BMP8B: variants seen among roughly 807,000 people sequenced by gnomAD.
BMP8B encodes bone morphogenetic protein 8 (osteogenic protein 2).
Under a neutral mutation model 30.3 loss-of-function variants are expected in BMP8B, and 17 were observed. The ratio of observed to expected loss-of-function variants is 0.56; its 90% CI spans 0.38 to 0.84. The LOEUF is 0.84. Among genes scored for constraint, BMP8B ranks in the 40% least tolerant of loss-of-function variants. The probability of loss-of-function intolerance (pLI) is 0.00; values close to 1 mark genes in which losing one functional copy is unlikely to be tolerated. For synonymous variants in BMP8B, 131 were observed against 214.7 expected, an observed-to-expected ratio of 0.61 and a Z score of 3.41; for missense variants, 253 against 494.6, an observed-to-expected ratio of 0.51 and a Z score of 4.63.
rs1204247825 is a variant in BMP8B, at chr1:39,757,558, G to C, written c.*2861C>G. 1 of 152,280 alleles carries C rather than the reference G, an allele frequency of 6.6e-6. No individual in the cohort carries two copies. The highest frequency in any genetic ancestry group is 2.4e-5 in the African/African-American group (1 of 41,476). The allele number at this position is 152,280 out of a possible 1,614,324, so 9.4% of individuals were successfully genotyped here. A position where few individuals can be genotyped will look rare whatever the true frequency, so the allele number is the denominator to read the frequency against. On this transcript the variant is annotated 3_prime_UTR_variant, in exon 7 of 7. Transcript: ENST00000372827. ...GTATTGCACCGCAAGGACCAAGACT[G>C]CTGGGCATTCCTCTTTTGCCTGTTG... is the stretch of plus-strand genomic sequence containing the variant.
chr1:39,766,348 G>A (rs1276237587), intron 3 of BMP8B, among the ~76,000 whole-genome samples: 2 of 144,924 alleles, frequency 1.4e-5, no homozygotes, highest in African/African-American at 5.3e-5. Context: ...CATGTTATAA[G>A]CACAGATGTA....
In BMP8B at chr1:39,780,863, T is replaced by A. The variant is rs1883648; in HGVS notation, c.335-5825A>T. ...GCAAGCTGTGATCGCGCCACTGCAC[T>A]CCAGCCTGGGTGACACAGCGAGACC... is the stretch of plus-strand genomic sequence containing the variant. On this transcript the variant is annotated intron_variant, in intron 1 of 6. Coordinates refer to ENST00000372827, the MANE Select transcript of BMP8B (RefSeq NM_001720.5). Among the ~76,000 whole-genome samples, 3 of 151,850 alleles carry A rather than the reference T, an allele frequency of 2.0e-5. No individual in the cohort carries two copies. The East Asian group carries it at 5.8e-4, about 29-fold the overall frequency.
intron 1 of BMP8B, among the ~76,000 whole-genome samples, chr1:39,779,404 G>A (rs908166759): frequency 2.0e-5 from 3 of 152,218 alleles, no homozygotes; most frequent in African/African-American, 7.2e-5. Flanking sequence ...CACCATGGGG[G>A]GTGCCAGGAA....
chr1:39,766,271 C>T (rs1410743195), intron 3 of BMP8B, among the ~76,000 whole-genome samples: 12 of 146,310 alleles, frequency 8.2e-5, no homozygotes, highest in Non-Finnish European at 1.8e-4. Flanking sequence ...GCATGATTAC[C>T]AGCTCATTTT....
chr1:39,760,618 C>T (rs1648818442), intron 6 of BMP8B, 50 bp from the exon 7 acceptor site: 3 of 1,584,428 alleles, frequency 1.9e-6, no homozygotes, highest in East Asian at 2.3e-5. Context: ...TGGCCTCCTC[C>T]AAGGACCCAC....
intron 6 of BMP8B, 59 bp downstream of exon 6, chr1:39,763,033 A>AC: frequency 1.9e-6 from 3 of 1,580,856 alleles, no homozygotes; most frequent in Non-Finnish European, 2.6e-6. Flanking sequence ...GCTGGACCAG[A>AC]CCCCTCTCCA....
Position 39,788,498 on chromosome 1 carries a change from G to T in BMP8B, c.-13C>A. ...GGAGCGCGGTCATGGCAGGCCGGGG[G>T]CGCTCAGCTGGGGCGCTCAGCGGGC... On this transcript the variant is annotated 5_prime_UTR_variant, in exon 1 of 7. Coordinates refer to ENST00000372827, the MANE Select transcript of BMP8B (RefSeq NM_001720.5). This position sits in a 1 kb window ranked among gnomAD's most constrained non-coding sequence, Gnocchi z 5.8. 9 of 1,010,532 alleles carry T rather than the reference G, an allele frequency of 8.9e-6. No homozygotes were observed. The highest frequency in any genetic ancestry group is 1.1e-5 in the Non-Finnish European group (9 of 848,468). The allele number at this position is 1,010,532 out of a possible 1,614,324, so 62.6% of individuals were successfully genotyped here.
intron 1 of BMP8B, among the ~76,000 whole-genome samples, chr1:39,776,584 A>G (rs115184951): frequency 0.06 from 9,113 of 152,226 alleles, 333 homozygotes; most frequent in Middle Eastern, 0.16. Flanking sequence ...TGTGCGGGGC[A>G]GGGGATGGGG....
rs368698774 is a variant in BMP8B, at chr1:39,788,618, C to T, written c.-133G>A. The T allele has an allele frequency of 0.026, 21,802 of 827,236 alleles. 420 individuals are homozygous for T. Among genetic ancestry groups the T allele is most frequent in the East Asian group, 0.13 (1,015 of 7,942 alleles). The allele number at this position is 827,236 out of a possible 1,614,324, so 51.2% of individuals were successfully genotyped here. A position where few individuals can be genotyped will look rare whatever the true frequency, so the allele number is the denominator to read the frequency against. On this transcript the variant is annotated 5_prime_UTR_variant, in exon 1 of 7. Coordinates refer to ENST00000372827, the MANE Select transcript of BMP8B (RefSeq NM_001720.5). This position sits in a 1 kb window ranked among gnomAD's most constrained non-coding sequence, Gnocchi z 5.8. The stretch of plus-strand genomic sequence containing the variant: ...CGGCGGGCGGCGGGGCGGGGCGGGA[C>T]GGGCGGCGACCGCGGCCTCAGCGCG...
intron 3 of BMP8B, chr1:39,769,486 C>T (rs1431381287): frequency 4.0e-5 from 22 of 552,006 alleles, no homozygotes; most frequent in African/African-American, 9.7e-5. Flanking sequence ...TGCAGACCTG[C>T]GCCTTGCAGT....
At position 39,758,273 on chromosome 1, in the gene BMP8B, C is replaced by T. The variant is rs1379497280; in HGVS notation, c.*2146G>A. ...GAGACAACAGTTTTGCTCATGTCAC[C>T]AGGCTGAAGTGCAATGTTGTGATCT... On this transcript the variant is annotated 3_prime_UTR_variant, in exon 7 of 7. Coordinates refer to ENST00000372827, the MANE Select transcript of BMP8B (RefSeq NM_001720.5). The T allele has an allele frequency of 1.3e-5, 2 of 152,156 alleles. No individual in the cohort carries two copies. The highest frequency in any genetic ancestry group is 3.8e-4 in the East Asian group (2 of 5,198). 9.4% of individuals were successfully genotyped at this position (152,156 alleles called of 1,614,324 possible). A position where few individuals can be genotyped will look rare whatever the true frequency, so the allele number is the denominator to read the frequency against.
chr1:39,786,550 C>T (rs1197064041), intron 1 of BMP8B, among the ~76,000 whole-genome samples: 6 of 152,178 alleles, frequency 3.9e-5, no homozygotes, highest in Non-Finnish European at 8.8e-5. Flanking sequence ...ATGCCTTGAC[C>T]CAGGGGATGC....
Position 39,763,088 on chromosome 1 carries a change from T to G in BMP8B, c.1059+4A>C. 6.2e-7 allele frequency: 1 copy of G among 1,613,434 alleles called. No homozygotes were observed. Among genetic ancestry groups the G allele is most frequent in the Non-Finnish European group, 8.5e-7 (1 of 1,179,434 alleles). Reference sequence around the variant, plus strand: ...GGGCTGGGCAGGATGGGCATGGTACTGACCAGGGACTGCAGGATGGCGTGG... The same window carrying G: ...GGGCTGGGCAGGATGGGCATGGTACGGACCAGGGACTGCAGGATGGCGTGG... On this transcript the variant is annotated splice_donor_region_variant and intron_variant, in intron 6 of 6. Coordinates refer to ENST00000372827, the MANE Select transcript of BMP8B (RefSeq NM_001720.5).
intron 1 of BMP8B, among the ~76,000 whole-genome samples, chr1:39,776,232 G>T (rs1650221048): frequency 6.6e-6 from 1 of 152,114 alleles, no homozygotes; most frequent in Admixed American, 6.5e-5. Context: ...TCAAACAAAG[G>T]CTGTAGTTGC....
At chr1:39,763,065 G>A in intron 6 of BMP8B, 27 bp downstream of exon 6, 2 of 1,609,862 alleles carry the variant, frequency 1.2e-6, no homozygotes, top group Admixed American at 1.7e-5. Context: ...ACCCCAGGGG[G>A]CTGGGCAGGA....
chr1:39,760,487 CAT>C lies in BMP8B; in HGVS notation c.1139_1140del (p.Tyr380Ter), dbSNP rs1557467135. 6.2e-7 allele frequency: 1 copy of C among 1,614,174 alleles called. No individual in the cohort carries two copies. On this transcript the variant is annotated frameshift_variant, in exon 7 of 7. Transcript: ENST00000372827. LOFTEE classifies it high-confidence loss of function. ...TKLSATSVLYYDSSNNVILRK... is the reference protein window; with the variant it reads ...TKLSATSVLYXDSSNNVILRK... ...CGCAGGATGACATTGTTGCTGCTGT[CAT>C]AGTAGAGCACAGAGGTGGCGCTCAG... is the stretch of plus-strand genomic sequence containing the variant.
chr1:39,761,818 G>T (rs773945331), intron 6 of BMP8B, among the ~76,000 whole-genome samples: 10 of 152,220 alleles, frequency 6.6e-5, no homozygotes, highest in Non-Finnish European at 1.0e-4. Context: ...CTCACAGGAG[G>T]CGTCACCTCC....
intron 1 of BMP8B, among the ~76,000 whole-genome samples, chr1:39,775,317 C>T (rs536034420): frequency 1.5e-4 from 23 of 152,188 alleles, no homozygotes; most frequent in Non-Finnish European, 2.8e-4. Context: ...ACTCCCGTTG[C>T]GCCCCCTTCT....
In BMP8B at chr1:39,757,268, ATTG is replaced by A. The variant is rs746372301; in HGVS notation, c.*3148_*3150del. On this transcript the variant is annotated 3_prime_UTR_variant, in exon 7 of 7. Transcript: ENST00000372827. The stretch of plus-strand genomic sequence containing the variant: ...TTTGTAATAATACCAGCAAATACCT[ATTG>A]TTAAGCATTTATATGTCAGACATCC... 1.3e-5 allele frequency: 2 copies of A among 152,256 alleles called. No homozygotes were observed. Among genetic ancestry groups the A allele is most frequent in the African/African-American group, 2.4e-5 (1 of 41,476 alleles). The allele number at this position is 152,256 out of a possible 1,614,324, so 9.4% of individuals were successfully genotyped here.
Sources: gnomAD v4.1 joint callset for allele counts (sites outside exome capture counted in the v4.1 genomes callset) on GRCh38, gnomAD v4.1.1 for gene constraint, Gnocchi (gnomAD v3.1) non-coding constraint, MANE v1.5 for transcripts, NCBI Gene and HGNC (gene_info 2026-07-23, HGNC 2026-07-21) for gene names.